The following PHC2 variants were observed in gnomAD, a reference collection of about 807,000 sequenced individuals.
The protein encoded by PHC2 is polyhomeotic homolog 2.
Under a neutral mutation model 87.4 loss-of-function variants are expected in PHC2, and 29 were observed. The ratio of observed to expected loss-of-function variants is 0.33; its 90% confidence interval spans 0.25 to 0.45. The LOEUF is 0.45. Ranked by LOEUF, PHC2 falls within the 20% of genes least tolerant of loss-of-function variation. The pLI, the probability that PHC2 is intolerant of heterozygous loss-of-function variation, is 1.00. For synonymous variants in PHC2, 438 were observed against 461.7 expected (o/e 0.95, Z 0.66); for missense variants, 857 against 1,136.7 (o/e 0.75, Z 3.54).
chr1:33,326,174 G>C (rs1355650507), intron 14 of PHC2: 1 of 212,038 alleles, frequency 4.7e-6, no homozygotes, highest in South Asian at 5.9e-5. Context: ...ATAGGAGAGA[G>C]AGAAGGTAAA....
chr1:33,349,548 C>T lies in PHC2; in HGVS notation c.1558+4853G>A, dbSNP rs886312662. On this transcript the variant is annotated intron_variant, in intron 9 of 14. Coordinates refer to ENST00000683057, the MANE Select transcript of PHC2 (RefSeq NM_001385109.1). The surrounding 1 kb of genome is among the most constrained non-coding windows in gnomAD (Gnocchi z 4.2). Reference sequence around the variant, plus strand: ...CCGACTTCCAGTGCGGCGAGCGCGGCCCCCGGCCTCCCTACTGGCGAGAAC... The same window carrying T: ...CCGACTTCCAGTGCGGCGAGCGCGGTCCCCGGCCTCCCTACTGGCGAGAAC... 1 of 977,782 alleles carries T rather than the reference C, an allele frequency of 1.0e-6. No individual in the cohort carries two copies. 60.6% of individuals were successfully genotyped at this position (977,782 alleles called of 1,614,324 possible).
At chr1:33,400,844 T>C (rs1199890740) in intron 1 of PHC2, among the ~76,000 whole-genome samples, 1 of 152,178 alleles carries the variant, frequency 6.6e-6, no homozygotes. Context: ...AAAAGATCCA[T>C]GTTGGAATAA....
chr1:33,343,055 G>A (rs1646775254), intron 9 of PHC2, among the ~76,000 whole-genome samples: 1 of 152,150 alleles, frequency 6.6e-6, no homozygotes, highest in South Asian at 2.1e-4. Flanking sequence ...TAACAACGAG[G>A]CTCATACTAC....
chr1:33,427,025 C>T (rs1650701312), intron 1 of PHC2, among the ~76,000 whole-genome samples: 1 of 152,176 alleles, frequency 6.6e-6, no homozygotes, highest in South Asian at 2.1e-4. Context: ...ACAAAGCTGG[C>T]CCTGACTTCA....
chr1:33,330,316 A>G (rs1033545153), intron 12 of PHC2, 104 bp from the exon 13 acceptor site: 2 of 1,217,984 alleles, frequency 1.6e-6, no homozygotes, highest in Non-Finnish European at 1.2e-6. Context: ...GAGTCCATCT[A>G]TTGGTTCAGA....
At chr1:33,376,045 G>C (rs980587709) in intron 1 of PHC2, among the ~76,000 whole-genome samples, 1 of 151,884 alleles carries the variant, frequency 6.6e-6, no homozygotes, top group African/African-American at 2.4e-5. Context: ...TGAGGTCTCT[G>C]TTTTTTGAGA....
At chr1:33,345,460 G>A (rs1472224245) in intron 9 of PHC2, 1 of 687,558 alleles carries the variant, frequency 1.5e-6, no homozygotes, top group East Asian at 1.3e-4. Flanking sequence ...GAACAGGAAA[G>A]CATATCCTTT....
chr1:33,337,662 G>C (rs1646667848), intron 9 of PHC2, among the ~76,000 whole-genome samples: 1 of 152,206 alleles, frequency 6.6e-6, no homozygotes, highest in African/African-American at 2.4e-5. Flanking sequence ...TGCTCCTGGT[G>C]TCATGAAGGA....
intron 7 of PHC2, among the ~76,000 whole-genome samples, chr1:33,365,658 G>A (rs1647407155): frequency 6.6e-6 from 1 of 152,224 alleles, no homozygotes; most frequent in Non-Finnish European, 1.5e-5. Context: ...ATGCCAGACA[G>A]TGAGAAACAT....
intron 14 of PHC2, chr1:33,325,876 A>G (rs975860145): frequency 4.4e-6 from 2 of 456,410 alleles, no homozygotes; most frequent in African/African-American, 4.0e-5. Context: ...AGCCAGAAGG[A>G]CTCTGTGGAA....
rs2148259583 is a variant in PHC2, at chr1:33,349,032, G to A, written c.1558+5369C>T. On this transcript the variant is annotated intron_variant, in intron 9 of 14. Transcript: ENST00000683057. This position sits in a 1 kb window ranked among gnomAD's most constrained non-coding sequence, Gnocchi z 4.2. Reference sequence around the variant, plus strand: ...TCACAAATCCCGATTTTAATGTAAAGAAGCAACAAATATAGTCTACCTTCA... The same window carrying A: ...TCACAAATCCCGATTTTAATGTAAAAAAGCAACAAATATAGTCTACCTTCA... 1.0e-6 allele frequency: 1 copy of A among 971,596 alleles called. No homozygotes were observed. The highest frequency in any genetic ancestry group is 1.2e-6 in the Non-Finnish European group (1 of 817,454). 60.2% of individuals were successfully genotyped at this position (971,596 alleles called of 1,614,324 possible).
Position 33,349,708 on chromosome 1 carries a change from G to A in PHC2, c.1558+4693C>T. On this transcript the variant is annotated intron_variant, in intron 9 of 14. Coordinates refer to ENST00000683057, the MANE Select transcript of PHC2 (RefSeq NM_001385109.1). This position sits in a 1 kb window ranked among gnomAD's most constrained non-coding sequence, Gnocchi z 4.2. Reference sequence around the variant, plus strand: ...GCGGGCCGCCTCCTCTCCGCCGGGAGCCTCCGAGCCGGGGCCCGGGGCTGC... The same window carrying A: ...GCGGGCCGCCTCCTCTCCGCCGGGAACCTCCGAGCCGGGGCCCGGGGCTGC... The A allele has an allele frequency of 2.0e-6, 2 of 993,026 alleles. No individual in the cohort carries two copies. The highest frequency in any genetic ancestry group is 2.4e-6 in the Non-Finnish European group (2 of 834,564). 61.5% of individuals were successfully genotyped at this position (993,026 alleles called of 1,614,324 possible).
Position 33,368,346 on chromosome 1 carries a change from G to A in PHC2, c.663+190C>T, listed in dbSNP as rs1188964216. Among the ~76,000 whole-genome samples the A allele has an allele frequency of 2.0e-5, 3 of 152,210 alleles. No individual in the cohort carries two copies. Among genetic ancestry groups the A allele is most frequent in the Non-Finnish European group, 2.9e-5 (2 of 68,040 alleles). The stretch of plus-strand genomic sequence containing the variant: ...GCTCCTGACCTGTGTTTGAGGGAAC[G>A]AAACAGAGCCAGGAGGGACTGAGGC... On this transcript the variant is annotated intron_variant, in intron 6 of 14. Transcript: ENST00000683057. The surrounding 1 kb of genome is among the most constrained non-coding windows in gnomAD (Gnocchi z 6.6).
At chr1:33,417,001 A>C (rs1355872459) in intron 1 of PHC2, among the ~76,000 whole-genome samples, 1 of 152,152 alleles carries the variant, frequency 6.6e-6, no homozygotes, top group East Asian at 1.9e-4. Context: ...GAAGGGAAAA[A>C]TGGAAGTATA....
chr1:33,395,622 A>G (rs1649262205), intron 1 of PHC2, among the ~76,000 whole-genome samples: 2 of 152,216 alleles, frequency 1.3e-5, no homozygotes, highest in African/African-American at 4.8e-5. Context: ...TGATAAGGCA[A>G]GTATGGTAAA....
chr1:33,400,841 C>T (rs1434507288), intron 1 of PHC2, among the ~76,000 whole-genome samples: 2 of 152,036 alleles, frequency 1.3e-5, no homozygotes, highest in African/African-American at 4.8e-5. Context: ...CTGAAAAGAT[C>T]CATGTTGGAA....
At chr1:33,374,493 G>A (rs1648046997) in intron 2 of PHC2, among the ~76,000 whole-genome samples, 1 of 152,158 alleles carries the variant, frequency 6.6e-6, no homozygotes, top group South Asian at 2.1e-4. Context: ...GGTATCTGAT[G>A]GCATCTTCTT....
chr1:33,326,817 T>C (rs1646381468), intron 14 of PHC2, among the ~76,000 whole-genome samples: 2 of 152,118 alleles, frequency 1.3e-5, no homozygotes, highest in South Asian at 2.1e-4. Flanking sequence ...CTGTGTGTGG[T>C]GGCGAATGTC....
chr1:33,368,560 G>T lies in PHC2; in HGVS notation c.639C>A (p.Pro213=), dbSNP rs922942582. Residue 213 remains proline (P), a synonymous_variant, in exon 6 of 15, where the codon CCC becomes CCA. Coordinates refer to ENST00000683057, the MANE Select transcript of PHC2 (RefSeq NM_001385109.1). This position sits in a 1 kb window ranked among gnomAD's most constrained non-coding sequence, Gnocchi z 6.6. ...TVQPELGTGS[P]ARPPTPAQVQ... ...CCTGGGCGGGGGTGGGGGGCCGGGC[G>T]GGGGAGCCAGTGCCGAGCTCAGGCT... The T allele has an allele frequency of 3.2e-6, 5 of 1,545,394 alleles. No individual in the cohort carries two copies. Among genetic ancestry groups the T allele is most frequent in the African/African-American group, 1.4e-5 (1 of 73,058 alleles).
Sources: allele counts gnomAD v4.1 joint callset (sites outside exome capture counted in the v4.1 genomes callset), GRCh38; gene constraint gnomAD v4.1.1; non-coding constraint Gnocchi (gnomAD v3.1); transcripts MANE v1.5; gene names NCBI Gene and HGNC (gene_info 2026-07-23, HGNC 2026-07-21).